The following ZC3H14 variants were observed in gnomAD, a reference collection of about 807,000 sequenced individuals.
The protein encoded by ZC3H14 is zinc finger CCCH domain-containing protein 14.
Under a neutral mutation model 92.4 loss-of-function variants are expected in ZC3H14, and 31 were observed. The observed-to-expected ratio is 0.34, with a 90% CI of 0.25 to 0.45. The LOEUF (loss-of-function observed/expected upper bound fraction) is 0.45, where lower values mean the gene tolerates loss of function less well. ZC3H14 is among the 20% of genes least tolerant of loss of function. ZC3H14 has a pLI of 1.00. For missense variants in ZC3H14, 781 were observed against 897.3 expected, an observed-to-expected ratio of 0.87 and a Z score of 1.66; for synonymous variants, 321 against 300.9, an observed-to-expected ratio of 1.07 and a Z score of -0.69.
intron 10 of ZC3H14, among the ~76,000 whole-genome samples, chr14:88,597,432 G>A (rs777187445): frequency 3.3e-5 from 5 of 152,144 alleles, no homozygotes; most frequent in Admixed American, 3.3e-4. Flanking sequence ...TGAGAGACCC[G>A]GAATCATCTC....
chr14:88,609,125 T>C, intron 13 of ZC3H14, 142 bp from the exon 14 acceptor site: 2 of 1,008,232 alleles, frequency 2.0e-6, no homozygotes, highest in Non-Finnish European at 2.9e-6. Flanking sequence ...TATGGTCTTA[T>C]TTTAAAATAT....
chr14:88,566,028 GC>G (rs1161358992), intron 2 of ZC3H14, among the ~76,000 whole-genome samples: 459 of 2,728 alleles, frequency 0.17, 97 homozygotes, highest in African/African-American at 0.29. Flanking sequence ...CCACCACCCC[GC>G]CCCCCCCCCC....
At chr14:88,572,249 T>TG (rs1293516056) in intron 5 of ZC3H14, 24 bp downstream of exon 5, 1 of 1,610,416 alleles carries the variant, frequency 6.2e-7, no homozygotes, top group Admixed American at 1.7e-5. Context: ...GTAGACCTGC[T>TG]GGGGGCAGAT....
chr14:88,607,121 T>C (rs2085531695), intron 12 of ZC3H14, 122 bp from the exon 13 acceptor site: 2 of 1,480,054 alleles, frequency 1.4e-6, no homozygotes, highest in East Asian at 2.4e-5. Context: ...AGCTCACTTA[T>C]TTTATATGAC....
rs536886578 is a variant in ZC3H14 at position 88,602,749 on chromosome 14, C to G, written c.1515-79C>G. 216 of 1,440,008 alleles carry G rather than the reference C, an allele frequency of 1.5e-4. No homozygotes were observed. The African/African-American group carries it at 2.6e-3, about 17-fold the overall frequency. The allele number at this position is 1,440,008 out of a possible 1,614,324, so 89.2% of individuals were successfully genotyped here. ...ACGCAAAGCCAAGGGAGTGATAGTT[C>G]TGCTGAAGAGCACTTTAGGGGGCTC... On this transcript the variant is annotated intron_variant, in intron 11 of 16. Coordinates refer to ENST00000251038, the MANE Select transcript of ZC3H14 (RefSeq NM_024824.5).
intron 16 of ZC3H14, 25 bp downstream of exon 16, chr14:88,610,965 C>T (rs191588746): frequency 7.1e-6 from 11 of 1,556,944 alleles, no homozygotes; most frequent in Non-Finnish European, 9.7e-6. Context: ...TCGTTTTTCT[C>T]ATGTCAGTTC....
chr14:88,612,045 G>A lies in ZC3H14; in HGVS notation c.*294G>A. On this transcript the variant is annotated 3_prime_UTR_variant, in exon 17 of 17. Coordinates refer to ENST00000251038, the MANE Select transcript of ZC3H14 (RefSeq NM_024824.5). ...TTGTGCACTGCTGTTGTGAGGATCAGCATATGAAATTGACATCATGGTTAG... is the reference window on the plus strand; with the variant it reads ...TTGTGCACTGCTGTTGTGAGGATCAACATATGAAATTGACATCATGGTTAG... 2 of 433,246 alleles carry A rather than the reference G, an allele frequency of 4.6e-6. No homozygotes were observed. The highest frequency in any genetic ancestry group is 8.3e-6 in the Non-Finnish European group (2 of 239,960). The allele number at this position is 433,246 out of a possible 1,614,324, so 26.8% of individuals were successfully genotyped here.
intron 12 of ZC3H14, among the ~76,000 whole-genome samples, chr14:88,605,287 T>G (rs2085214408): frequency 6.6e-6 from 1 of 152,228 alleles, no homozygotes; most frequent in Non-Finnish European, 1.5e-5. Context: ...TCATCTCACA[T>G]TTTCTTTGGA....
In ZC3H14 at chr14:88,614,912, A is replaced by AT. The variant is rs2087346678; in HGVS notation, c.*3162dup. 6.6e-6 allele frequency: 1 copy of AT among 152,234 alleles called. No individual in the cohort carries two copies. The highest frequency in any genetic ancestry group is 2.4e-5 in the African/African-American group (1 of 41,472). The allele number at this position is 152,234 out of a possible 1,614,324, so 9.4% of individuals were successfully genotyped here. A position where few individuals can be genotyped will look rare whatever the true frequency, so the allele number is the denominator to read the frequency against. ...TTTATTCCAAGAGTGATTAAATTGTATAATGTTGTATATGTGAATTTAACA... is the reference window on the plus strand; with the variant it reads ...TTTATTCCAAGAGTGATTAAATTGTATTAATGTTGTATATGTGAATTTAACA... On this transcript the variant is annotated 3_prime_UTR_variant, in exon 17 of 17. Coordinates refer to ENST00000251038, the MANE Select transcript of ZC3H14 (RefSeq NM_024824.5).
chr14:88,611,735 G>C lies in ZC3H14; in HGVS notation c.2205-10G>C. The stretch of plus-strand genomic sequence containing the variant: ...GATAATTAAAACAATTTTTGGTTCT[G>C]TTCATTCAGCGAATAGCACCCAGTC... On this transcript the variant is annotated splice_polypyrimidine_tract_variant and intron_variant, in intron 16 of 16. Transcript: ENST00000251038. The C allele has an allele frequency of 6.2e-7, 1 of 1,613,976 alleles. No homozygotes were observed. Among genetic ancestry groups the C allele is most frequent in the East Asian group, 2.2e-5 (1 of 44,870 alleles).
chr14:88,599,718 T>G (rs2140031266), intron 10 of ZC3H14, among the ~76,000 whole-genome samples: 1 of 152,332 alleles, frequency 6.6e-6, no homozygotes, highest in Non-Finnish European at 1.5e-5. Flanking sequence ...CTTTGCTCTC[T>G]CCCACCTTCA....
chr14:88,590,650 C>G (rs929543155), intron 9 of ZC3H14: 3 of 152,136 alleles, frequency 2.0e-5, no homozygotes, highest in African/African-American at 7.2e-5. Flanking sequence ...TATTTTTATC[C>G]GAACGTAGGT....
intron 9 of ZC3H14, among the ~76,000 whole-genome samples, chr14:88,583,196 A>G (rs1412111345): frequency 1.3e-5 from 2 of 151,370 alleles, no homozygotes; most frequent in Non-Finnish European, 2.9e-5. Flanking sequence ...CAGTGGCACA[A>G]TTGTAGCTCA....
At chr14:88,594,583 T>C in intron 9 of ZC3H14, 2 of 1,521,012 alleles carry the variant, frequency 1.3e-6, no homozygotes, top group East Asian at 2.3e-5. Flanking sequence ...TAAGATGTTA[T>C]TTGCTCTTAA....
intron 1 of ZC3H14, 179 bp from the exon 2 acceptor site, chr14:88,563,472 T>C (rs964433150): frequency 6.9e-7 from 1 of 1,455,374 alleles, no homozygotes; most frequent in Non-Finnish European, 9.0e-7. Flanking sequence ...GCCGCGGGGC[T>C]GGGGCTGGAG....
At chr14:88,575,747 T>C in intron 7 of ZC3H14, 93 bp from the exon 8 acceptor site, 3 of 1,043,972 alleles carry the variant, frequency 2.9e-6, no homozygotes, top group Non-Finnish European at 4.3e-6. Context: ...GTTTAAAACC[T>C]AGAGAAGGTT....
chr14:88,563,507 G>A (rs1354825948), intron 1 of ZC3H14, 144 bp from the exon 2 acceptor site: 1 of 1,536,896 alleles, frequency 6.5e-7, no homozygotes, highest in Non-Finnish European at 8.8e-7. Context: ...GGGGTGGGGG[G>A]CGGTGCAGGC....
Position 88,620,372 on chromosome 14 carries a change from G to A in ZC3H14, c.*8621G>A, listed in dbSNP as rs2088663479. 6.1e-6 allele frequency: 1 copy of A among 163,246 alleles called. No homozygotes were observed. Among genetic ancestry groups the A allele is most frequent in the South Asian group, 2.0e-4 (1 of 4,934 alleles). The allele number at this position is 163,246 out of a possible 1,614,324, so 10.1% of individuals were successfully genotyped here. A position where few individuals can be genotyped will look rare whatever the true frequency, so the allele number is the denominator to read the frequency against. On this transcript the variant is annotated 3_prime_UTR_variant, in exon 17 of 17. Coordinates refer to ENST00000251038, the MANE Select transcript of ZC3H14 (RefSeq NM_024824.5). This position sits in a 1 kb window ranked among gnomAD's most constrained non-coding sequence, Gnocchi z 4.3. ...TTAATGAACTACATATTCCCAAACT[G>A]AGGTTACTAAGAGAAGATATGTTTG... is the stretch of plus-strand genomic sequence containing the variant.
chr14:88,624,833 GTAA>G lies in ZC3H14; in HGVS notation c.*13086_*13088del, dbSNP rs1379577013. 1.9e-5 allele frequency: 18 copies of G among 923,780 alleles called. No individual in the cohort carries two copies. In the Admixed American group the frequency reaches 3.4e-4, roughly 17 times the overall value. 57.2% of individuals were successfully genotyped at this position (923,780 alleles called of 1,614,324 possible). On this transcript the variant is annotated 3_prime_UTR_variant, in exon 17 of 17. Coordinates refer to ENST00000251038, the MANE Select transcript of ZC3H14 (RefSeq NM_024824.5). ...GAATCAAATAGAAGGCACATAAAAGGTAATAAAGGAGAAGCATATGAGGAGGAA... is the reference window on the plus strand; with the variant it reads ...GAATCAAATAGAAGGCACATAAAAGGTAAAGGAGAAGCATATGAGGAGGAA...
Sources: allele counts gnomAD v4.1 joint callset (sites outside exome capture counted in the v4.1 genomes callset), GRCh38; gene constraint gnomAD v4.1.1; non-coding constraint Gnocchi (gnomAD v3.1); transcripts MANE v1.5; gene names NCBI Gene and HGNC (gene_info 2026-07-23, HGNC 2026-07-21).